EYS: variants seen among roughly 807,000 people sequenced by gnomAD.
The protein encoded by EYS is protein eyes shut homolog.
A neutral mutation model predicts 282.1 loss-of-function variants in EYS; 250 were observed. The observed-to-expected ratio is 0.89, with a 90% CI of 0.80 to 0.98. EYS has a LOEUF of 0.98. Among genes scored for constraint, EYS ranks in the 50% least tolerant of loss-of-function variants. The pLI is 0.00. For missense variants in EYS, 4,016 were observed against 3,709.0 expected (o/e 1.08, Z -2.15); for synonymous variants, 1,355 against 1,282.9 (o/e 1.06, Z -1.20).
At chr6:63,886,490 G>T (rs554175723) in intron 35 of EYS, among the ~76,000 whole-genome samples, 1 of 152,128 alleles carries the variant, frequency 6.6e-6, no homozygotes. Context: ...TTTGTTAAAC[G>T]TTTGGAACAT....
rs1214359545 is a variant in EYS, at chr6:64,079,305, G to T, written c.6571+2551C>A. Among the ~76,000 whole-genome samples the T allele has an allele frequency of 3.3e-5, 5 of 152,090 alleles. No individual in the cohort carries two copies. In the East Asian group the frequency reaches 9.7e-4, roughly 29 times the overall value. On this transcript the variant is annotated intron_variant, in intron 32 of 42. Transcript: ENST00000503581. ...TGCTCCTGGGGAATAAATGATACTG[G>T]CCTAGCCTGGCAAGTTGGTTTCTTT...
intron 31 of EYS, among the ~76,000 whole-genome samples, chr6:64,166,876 T>C (rs1764305367): frequency 6.6e-6 from 1 of 152,200 alleles, no homozygotes; most frequent in African/African-American, 2.4e-5. Context: ...TATTATACTT[T>C]AGTGGCATAT....
At chr6:64,454,629 G>A (rs981868371) in intron 26 of EYS, among the ~76,000 whole-genome samples, 25 of 151,920 alleles carry the variant, frequency 1.6e-4, no homozygotes, top group Non-Finnish European at 3.2e-4. Context: ...ATGTATACTT[G>A]TGGTATAATA....
At chr6:65,321,503 A>G (rs1043176310) in intron 11 of EYS, among the ~76,000 whole-genome samples, 1 of 152,124 alleles carries the variant, frequency 6.6e-6, no homozygotes, top group African/African-American at 2.4e-5. Flanking sequence ...ACAAAATGGA[A>G]AAAGACTTAA....
intron 35 of EYS, among the ~76,000 whole-genome samples, chr6:63,948,604 T>C (rs188111983): frequency 1.6e-4 from 23 of 139,826 alleles, no homozygotes; most frequent in Admixed American, 1.3e-3. Context: ...TGATTTCCTT[T>C]CTCCTTCCTT....
intron 30 of EYS, among the ~76,000 whole-genome samples, chr6:64,246,018 C>CAAAAAAAAAAAAAAAA (rs60121734): frequency 2.3e-4 from 13 of 56,212 alleles, no homozygotes; most frequent in East Asian, 1.5e-3. Context: ...AACTCCGTCT[C>CAAAAAAAAAAAAAAAA]AAAAAAAAAA....
chr6:64,550,673 C>T (rs1047748968), intron 26 of EYS, among the ~76,000 whole-genome samples: 1 of 152,116 alleles, frequency 6.6e-6, no homozygotes, highest in African/African-American at 2.4e-5. Flanking sequence ...GTCAAATTGT[C>T]CCTGTTTTCA....
At chr6:64,944,326 T>C (rs141880578) in intron 15 of EYS, among the ~76,000 whole-genome samples, 1 of 151,976 alleles carries the variant, frequency 6.6e-6, no homozygotes, top group Non-Finnish European at 1.5e-5. Context: ...AATTTATGAG[T>C]GAGTCCACAA....
chr6:65,108,354 G>A (rs1775106777), intron 12 of EYS, among the ~76,000 whole-genome samples: 1 of 152,094 alleles, frequency 6.6e-6, no homozygotes, highest in Non-Finnish European at 1.5e-5. Flanking sequence ...CTGGAGTGCA[G>A]TGGCTTGATC....
chr6:63,953,629 C>A (rs1440130010), intron 35 of EYS, among the ~76,000 whole-genome samples: 2 of 152,148 alleles, frequency 1.3e-5, no homozygotes, highest in African/African-American at 2.4e-5. Context: ...ACCATCCTGG[C>A]TAAACCATTA....
At chr6:64,018,572 T>C (rs932346200) in intron 33 of EYS, among the ~76,000 whole-genome samples, 4 of 152,162 alleles carry the variant, frequency 2.6e-5, no homozygotes, top group Admixed American at 6.6e-5. Context: ...TTGGTTTTCA[T>C]ATGCTGATGT....
chr6:65,552,850 A>G (rs1313746915), intron 2 of EYS, among the ~76,000 whole-genome samples: 3 of 149,732 alleles, frequency 2.0e-5, no homozygotes, highest in Non-Finnish European at 4.5e-5. Flanking sequence ...GCCAGAAATT[A>G]TGAGATTCAA....
At chr6:64,581,888 A>G (rs1050447557) in intron 26 of EYS, among the ~76,000 whole-genome samples, 1 of 152,142 alleles carries the variant, frequency 6.6e-6, no homozygotes, top group East Asian at 1.9e-4. Context: ...TAGAGAAGAC[A>G]GGGACATTGT....
chr6:64,391,485 A>G (rs909144036), intron 28 of EYS, among the ~76,000 whole-genome samples: 5 of 151,710 alleles, frequency 3.3e-5, no homozygotes, highest in African/African-American at 9.7e-5. Context: ...ATTCTTAAAG[A>G]AAAGAATTTT....
At chr6:65,022,010 A>T (rs1379517670) in intron 13 of EYS, among the ~76,000 whole-genome samples, 3 of 152,146 alleles carry the variant, frequency 2.0e-5, no homozygotes, top group Admixed American at 1.3e-4. Flanking sequence ...CTCCCACAAC[A>T]TGTGGGAATT....
rs549431333 is a variant in EYS, at chr6:65,684,380, T to G, written c.-448+22755A>C. 1.6e-4 allele frequency among the ~76,000 whole-genome samples: 24 copies of G among 152,138 alleles called. No individual in the cohort carries two copies. In the East Asian group the frequency reaches 4.1e-3, roughly 26 times the overall value. On this transcript the variant is annotated intron_variant, in intron 1 of 42. Transcript: ENST00000503581. ...CTGTGGCACTTCCTCTGTCAGATGGTGGGAGGGGGTCCTTTTCCTAAAGCC... is the reference window on the plus strand; with the variant it reads ...CTGTGGCACTTCCTCTGTCAGATGGGGGGAGGGGGTCCTTTTCCTAAAGCC...
At chr6:65,236,744 T>G (rs548359555) in intron 12 of EYS, among the ~76,000 whole-genome samples, 5 of 152,022 alleles carry the variant, frequency 3.3e-5, no homozygotes, top group Non-Finnish European at 5.9e-5. Flanking sequence ...GAAACTTTCA[T>G]GTACTATGAC....
intron 31 of EYS, among the ~76,000 whole-genome samples, chr6:64,145,708 GA>G (rs1562223843): frequency 6.6e-6 from 1 of 151,962 alleles, no homozygotes; most frequent in East Asian, 1.9e-4. Flanking sequence ...ATAATTGAGC[GA>G]AAAAATAAAA....
chr6:65,377,000 A>T (rs1050256632), intron 8 of EYS, among the ~76,000 whole-genome samples: 4 of 152,192 alleles, frequency 2.6e-5, no homozygotes, highest in African/African-American at 9.7e-5. Flanking sequence ...TCAGGACTTG[A>T]ACTCACCTCT....
Sources: gnomAD v4.1 joint callset for allele counts (sites outside exome capture counted in the v4.1 genomes callset) on GRCh38, gnomAD v4.1.1 for gene constraint, MANE v1.5 for transcripts, NCBI Gene and HGNC (gene_info 2026-07-23, HGNC 2026-07-21) for gene names.